Variants in PCDH15 observed in about 807,000 individuals in gnomAD.
PCDH15 encodes protocadherin related 15.
In PCDH15, 129 loss-of-function variants were observed where a neutral mutation model predicts 178.5. The observed-to-expected ratio is 0.72, with a 90% CI of 0.63 to 0.84. The LOEUF is 0.84. Among genes scored for constraint, PCDH15 ranks in the 40% least tolerant of loss-of-function variants. The pLI, the probability that PCDH15 is intolerant of heterozygous loss-of-function variation, is 0.00. For missense variants in PCDH15, 2,230 were observed against 2,099.9 expected (o/e 1.06, Z -1.21); for synonymous variants, 800 against 732.0 (o/e 1.09, Z -1.50).
At chr10:54,335,703 A>G (rs1940952760) in intron 6 of PCDH15, among the ~76,000 whole-genome samples, 1 of 151,820 alleles carries the variant, frequency 6.6e-6, no homozygotes, top group African/African-American at 2.4e-5. Context: ...AGTCCATTAA[A>G]CCTCTTTTTC....
intron 2 of PCDH15, chr10:54,605,889 A>G (rs2092720012): frequency 6.6e-6 from 1 of 152,146 alleles, no homozygotes; most frequent in Non-Finnish European, 1.5e-5. Context: ...CTCAGGTAGC[A>G]GCTGGAAAAG....
rs188209489 is a variant in PCDH15 at position 53,852,587 on chromosome 10, A to G, written c.3806+4588T>C. Among the ~76,000 whole-genome samples the G allele has an allele frequency of 6.4e-4, 97 of 152,212 alleles. No individual in the cohort carries two copies. In the East Asian group the frequency reaches 0.01, roughly 16 times the overall value. On this transcript the variant is annotated intron_variant, in intron 28 of 37. Transcript: ENST00000644397. ...ATTTATTACAAGCATTCCATTTTCC[A>G]GGTACTGCGGTCTTAGCTATCAAAG...
intron 2 of PCDH15, among the ~76,000 whole-genome samples, chr10:54,530,896 T>C (rs1317367059): frequency 6.6e-6 from 1 of 152,214 alleles, no homozygotes; most frequent in Non-Finnish European, 1.5e-5. Flanking sequence ...TGTTTGTTTT[T>C]AAACGATGCA....
chr10:54,980,167 C>G (rs1377174303), intron 2 of PCDH15, among the ~76,000 whole-genome samples: 5 of 152,160 alleles, frequency 3.3e-5, no homozygotes, highest in Non-Finnish European at 5.9e-5. Flanking sequence ...ATATAAATAA[C>G]TTTCACATGC....
intron 1 of PCDH15, among the ~76,000 whole-genome samples, chr10:55,275,265 C>T (rs572898440): frequency 6.6e-6 from 1 of 152,004 alleles, no homozygotes; most frequent in East Asian, 1.9e-4. Context: ...ATGTCTTCTC[C>T]TTTTTTATAA....
At position 54,584,042 on chromosome 10, in the gene PCDH15, A is replaced by T. The variant is rs545863836; in HGVS notation, c.92-56165T>A. 3.9e-5 allele frequency among the ~76,000 whole-genome samples: 6 copies of T among 152,126 alleles called. No homozygotes were observed. The South Asian group carries it at 1.2e-3, about 32-fold the overall frequency. ...TACACATGCTTCAGAATGGAAAGAAAGGTGTTTACTTTTAACGGCAGAACA... is the reference window on the plus strand; with the variant it reads ...TACACATGCTTCAGAATGGAAAGAATGGTGTTTACTTTTAACGGCAGAACA... On this transcript the variant is annotated intron_variant, in intron 2 of 37. Transcript: ENST00000644397.
At chr10:55,421,099 C>T (rs11004840) in intron 2 of PCDH15, among the ~76,000 whole-genome samples, 40,886 of 149,998 alleles carry the variant, frequency 0.27, 6,766 homozygotes, top group African/African-American at 0.48. Context: ...GGGGTCTAAA[C>T]CCAACTGATC....
chr10:55,510,626 T>C (rs539784647), intron 2 of PCDH15, among the ~76,000 whole-genome samples: 1 of 151,924 alleles, frequency 6.6e-6, no homozygotes, highest in South Asian at 2.1e-4. Context: ...ATTTAGCTTT[T>C]AAAATTTATG....
At chr10:53,984,900 A>G (rs2090990487) in intron 21 of PCDH15, among the ~76,000 whole-genome samples, 1 of 152,058 alleles carries the variant, frequency 6.6e-6, no homozygotes. Context: ...AGGCCATGTG[A>G]CTTGCTTTGG....
intron 3 of PCDH15, among the ~76,000 whole-genome samples, chr10:54,819,855 T>A (rs1333948983): frequency 6.6e-6 from 1 of 152,100 alleles, no homozygotes; most frequent in Non-Finnish European, 1.5e-5. Context: ...CATTACTTCC[T>A]TCTCTGTGAA....
chr10:55,079,837 T>C (rs1274721457), intron 2 of PCDH15, among the ~76,000 whole-genome samples: 1 of 152,040 alleles, frequency 6.6e-6, no homozygotes, highest in African/African-American at 2.4e-5. Context: ...GGTGGTGCAA[T>C]AGCTGGAGTG....
intron 3 of PCDH15, among the ~76,000 whole-genome samples, chr10:54,821,319 G>T (rs1159832520): frequency 6.6e-6 from 1 of 151,898 alleles, no homozygotes; most frequent in African/African-American, 2.4e-5. Flanking sequence ...GTCAAACCCT[G>T]ACCCAACTAT....
In PCDH15 at chr10:54,752,492, C is replaced by CA. The variant is rs1227186569; in HGVS notation, c.-29+48432dup. Among the ~76,000 whole-genome samples, 2 of 67,784 alleles carry CA rather than the reference C, an allele frequency of 3.0e-5. 1 individual carries two copies. Among genetic ancestry groups the CA allele is most frequent in the African/African-American group, 1.1e-4 (2 of 18,412 alleles). The allele number at this position is 67,784 out of a possible 152,430, so 44.5% of individuals were successfully genotyped here. A position where few individuals can be genotyped will look rare whatever the true frequency, so the allele number is the denominator to read the frequency against. ...ACTCCGTCTCAAAAAAAAAAAAAAA[C>CA]AAAAAACAAAAAACAAAAAACAAAC... On this transcript the variant is annotated intron_variant, in intron 1 of 37. Coordinates refer to ENST00000644397, the MANE Select transcript of PCDH15 (RefSeq NM_001384140.1).
At chr10:54,663,463 CCTAA>C (rs1245941505) in intron 2 of PCDH15, among the ~76,000 whole-genome samples, 1 of 148,128 alleles carries the variant, frequency 6.8e-6, no homozygotes, top group African/African-American at 2.5e-5. Context: ...TTATATATAT[CCTAA>C]CTGTCATTAT....
intron 2 of PCDH15, among the ~76,000 whole-genome samples, chr10:54,647,938 T>A (rs368878011): frequency 2.3e-3 from 345 of 152,038 alleles, no homozygotes; most frequent in African/African-American, 7.9e-3. Flanking sequence ...ACAAAACAAA[T>A]AAAAAACACT....
At chr10:55,061,816 T>C (rs1027659627) in intron 2 of PCDH15, among the ~76,000 whole-genome samples, 8 of 152,076 alleles carry the variant, frequency 5.3e-5, no homozygotes, top group African/African-American at 1.9e-4. Context: ...GGTCAAGAGA[T>C]TGAGAACATT....
intron 3 of PCDH15, chr10:54,864,724 G>C (rs918735705): frequency 1.3e-5 from 2 of 152,076 alleles, no homozygotes; most frequent in Non-Finnish European, 2.9e-5. Context: ...TCAAATGATT[G>C]GTCTTAGTCT....
intron 5 of PCDH15, among the ~76,000 whole-genome samples, chr10:54,356,136 A>G (rs1944936719): frequency 1.3e-5 from 2 of 152,072 alleles, no homozygotes; most frequent in South Asian, 4.1e-4. Context: ...CTGTTTTGTC[A>G]AAGTGATAAA....
intron 3 of PCDH15, among the ~76,000 whole-genome samples, chr10:54,406,093 C>A (rs145654104): frequency 6.6e-6 from 1 of 151,896 alleles, no homozygotes; most frequent in African/African-American, 2.4e-5. Context: ...AACAGATCTG[C>A]GTACTAAATA....
Sources: allele counts gnomAD v4.1 joint callset (sites outside exome capture counted in the v4.1 genomes callset), GRCh38; gene constraint gnomAD v4.1.1; transcripts MANE v1.5; gene names NCBI Gene and HGNC (gene_info 2026-07-23, HGNC 2026-07-21).